The following KIF26B variants were observed in gnomAD, a reference collection of about 807,000 sequenced individuals.
KIF26B encodes the protein kinesin-like protein KIF26B.
A neutral mutation model predicts 151.2 loss-of-function variants in KIF26B; 63 were observed. The ratio of observed to expected loss-of-function variants is 0.42; its 90% CI spans 0.34 to 0.51. The LOEUF (loss-of-function observed/expected upper bound fraction) is 0.51, where lower values mean the gene tolerates loss of function less well. KIF26B is among the 20% of genes least tolerant of loss of function. The probability of loss-of-function intolerance (pLI) is 0.07; values close to 1 mark genes in which losing one functional copy is unlikely to be tolerated. For synonymous variants in KIF26B, 1,357 were observed against 1,262.1 expected, an observed-to-expected ratio of 1.08 and a Z score of -1.59; for missense variants, 2,813 against 2,913.6, an observed-to-expected ratio of 0.97 and a Z score of 0.79.
chr1:245,249,075 A>C (rs557867384), intron 2 of KIF26B, among the ~76,000 whole-genome samples: 1 of 152,148 alleles, frequency 6.6e-6, no homozygotes, highest in African/African-American at 2.4e-5. Context: ...GCAGCTGTCT[A>C]TAACAGGTGG....
chr1:245,579,434 G>C (rs760384494), intron 5 of KIF26B, among the ~76,000 whole-genome samples: 25 of 151,936 alleles, frequency 1.6e-4, no homozygotes, highest in Non-Finnish European at 3.2e-4. Flanking sequence ...GGAGTTCAAG[G>C]CTGCAGTGAG....
At chr1:245,548,505 G>A (rs976828375) in intron 5 of KIF26B, among the ~76,000 whole-genome samples, 1 of 152,080 alleles carries the variant, frequency 6.6e-6, no homozygotes, top group Non-Finnish European at 1.5e-5. Context: ...GCCACACGCT[G>A]GCAAAGAGGA....
intron 2 of KIF26B, among the ~76,000 whole-genome samples, chr1:245,186,288 C>T (rs566757013): frequency 1.4e-3 from 207 of 152,262 alleles, no homozygotes; most frequent in African/African-American, 4.6e-3. Flanking sequence ...CTAGTGATGC[C>T]GGCTACAGCC....
intron 2 of KIF26B, among the ~76,000 whole-genome samples, chr1:245,273,416 C>CAAAA (rs36085161): frequency 2.4e-5 from 3 of 127,130 alleles, no homozygotes; most frequent in Admixed American, 7.8e-5. Flanking sequence ...AGACTTATCT[C>CAAAA]AAAAAAAAAA....
chr1:245,155,500 G>T lies in KIF26B; in HGVS notation c.63+13G>T. On this transcript the variant is annotated intron_variant, in intron 1 of 14. Transcript: ENST00000407071. Reference sequence around the variant, plus strand: ...CAAGAAATACGGGGTAAGTTGTGACGGTACGACGCGGAGACGCGTTACCAG... The same window carrying T: ...CAAGAAATACGGGGTAAGTTGTGACTGTACGACGCGGAGACGCGTTACCAG... 6.2e-7 allele frequency: 1 copy of T among 1,604,828 alleles called. No individual in the cohort carries two copies. The highest frequency in any genetic ancestry group is 8.5e-7 in the Non-Finnish European group (1 of 1,173,622).
chr1:245,489,084 G>A (rs71636554), intron 4 of KIF26B, among the ~76,000 whole-genome samples: 5,079 of 152,310 alleles, frequency 0.033, 131 homozygotes, highest in Non-Finnish European at 0.05. Context: ...GACATGGAAC[G>A]GATAGTCTGG....
intron 2 of KIF26B, among the ~76,000 whole-genome samples, chr1:245,280,427 A>T (rs1373410057): frequency 6.7e-6 from 1 of 148,196 alleles, no homozygotes; most frequent in African/African-American, 2.5e-5. Context: ...GTTGCTCGGG[A>T]GGCTGAGGCA....
At chr1:245,408,800 A>T (rs1323228149) in intron 3 of KIF26B, among the ~76,000 whole-genome samples, 1 of 152,186 alleles carries the variant, frequency 6.6e-6, no homozygotes, top group Non-Finnish European at 1.5e-5. Flanking sequence ...AACCAAGCCC[A>T]CAGGCCTTAT....
chr1:245,182,697 G>A (rs989035079), intron 2 of KIF26B, among the ~76,000 whole-genome samples: 3 of 151,974 alleles, frequency 2.0e-5, no homozygotes, highest in African/African-American at 7.3e-5. Flanking sequence ...GTGCAGTGGC[G>A]CCATCTCGGC....
intron 2 of KIF26B, among the ~76,000 whole-genome samples, chr1:245,226,856 G>A (rs117439764): frequency 1.3e-5 from 2 of 152,186 alleles, no homozygotes; most frequent in Non-Finnish European, 2.9e-5. Flanking sequence ...TCTGGTTCCT[G>A]GGCTTAAGCT....
At chr1:245,290,425 G>A (rs886367776) in intron 2 of KIF26B, among the ~76,000 whole-genome samples, 5 of 152,222 alleles carry the variant, frequency 3.3e-5, no homozygotes, top group African/African-American at 7.2e-5. Flanking sequence ...AGAACCGAGG[G>A]TTGCTGGTTG....
chr1:245,611,134 G>A (rs927472816), intron 8 of KIF26B, among the ~76,000 whole-genome samples: 11 of 152,118 alleles, frequency 7.2e-5, no homozygotes, highest in African/African-American at 2.4e-4. Flanking sequence ...CCGGGAGCAT[G>A]GATTCAGGAA....
At chr1:245,593,520 C>T (rs533854845) in intron 5 of KIF26B, among the ~76,000 whole-genome samples, 4 of 152,210 alleles carry the variant, frequency 2.6e-5, no homozygotes, top group Non-Finnish European at 5.9e-5. Flanking sequence ...TTTATGGCTG[C>T]ATAGTATTCC....
Position 245,612,052 on chromosome 1 carries a change from C to CTT in KIF26B, c.2098+78_2098+79dup, listed in dbSNP as rs1491364000. 6 of 1,031,902 alleles carry CTT rather than the reference C, an allele frequency of 5.8e-6. No homozygotes were observed. In the African/African-American group the frequency reaches 1.1e-4, roughly 19 times the overall value. 63.9% of individuals were successfully genotyped at this position (1,031,902 alleles called of 1,614,324 possible). ...CAGAAATCCCTTGGGCAACCATGAC[C>CTT]TTTGTGTGTGTGTGTGTGTGTGTGT... On this transcript the variant is annotated intron_variant, in intron 9 of 14. Coordinates refer to ENST00000407071, the MANE Select transcript of KIF26B (RefSeq NM_018012.4).
intron 2 of KIF26B, among the ~76,000 whole-genome samples, chr1:245,311,890 A>C (rs996136850): frequency 3.7e-4 from 56 of 152,350 alleles, no homozygotes; most frequent in Admixed American, 7.8e-4. Context: ...AGATCATGCC[A>C]TTGCACTGCA....
At chr1:245,637,630 C>T (rs1442934311) in intron 9 of KIF26B, among the ~76,000 whole-genome samples, 1 of 151,834 alleles carries the variant, frequency 6.6e-6, no homozygotes, top group African/African-American at 2.4e-5. Flanking sequence ...CCAGCAGTTT[C>T]ATAGTTTCAG....
At position 245,707,519 on chromosome 1, in the gene KIF26B, T is replaced by C. The variant is rs906801701; in HGVS notation, c.*4913T>C. On this transcript the variant is annotated 3_prime_UTR_variant, in exon 15 of 15. Coordinates refer to ENST00000407071, the MANE Select transcript of KIF26B (RefSeq NM_018012.4). ...CTCGTGTTCTCTCATTTACTTATTATGCATCACGGTTGGAAATGCTATCCA... is the reference window on the plus strand; with the variant it reads ...CTCGTGTTCTCTCATTTACTTATTACGCATCACGGTTGGAAATGCTATCCA... 2 of 152,260 alleles carry C rather than the reference T, an allele frequency of 1.3e-5. No individual in the cohort carries two copies. Among genetic ancestry groups the C allele is most frequent in the African/African-American group, 4.8e-5 (2 of 41,464 alleles). The allele number at this position is 152,260 out of a possible 1,614,324, so 9.4% of individuals were successfully genotyped here.
chr1:245,228,596 G>A (rs1326748324), intron 2 of KIF26B, among the ~76,000 whole-genome samples: 2 of 151,768 alleles, frequency 1.3e-5, no homozygotes, highest in African/African-American at 2.4e-5. Flanking sequence ...GGCAGTTTCC[G>A]CAGTTGTAAG....
chr1:245,390,434 G>A (rs1249275993), intron 3 of KIF26B, among the ~76,000 whole-genome samples: 1 of 152,062 alleles, frequency 6.6e-6, no homozygotes, highest in Non-Finnish European at 1.5e-5. Context: ...GGCCAGGATG[G>A]TCTCGTGATC....
Sources: allele counts gnomAD v4.1 joint callset (sites outside exome capture counted in the v4.1 genomes callset), GRCh38; gene constraint gnomAD v4.1.1; transcripts MANE v1.5; gene names NCBI Gene and HGNC (gene_info 2026-07-23, HGNC 2026-07-21).